Variants in AGBL1 observed in about 807,000 individuals in gnomAD.
AGBL1 encodes the protein AGBL carboxypeptidase 1, also known as cytosolic carboxypeptidase 4.
A neutral mutation model predicts 118.9 loss-of-function variants in AGBL1; 130 were observed. The observed-to-expected ratio is 1.09, with a 90% CI of 0.95 to 1.26. The LOEUF is 1.26. AGBL1 is among the 50% of genes most tolerant of loss of function. AGBL1 has a pLI of 0.00. For synonymous variants in AGBL1, 555 were observed against 478.9 expected (o/e 1.16, Z -2.08); for missense variants, 1,584 against 1,298.1 (o/e 1.22, Z -3.38).
intron 5 of AGBL1, among the ~76,000 whole-genome samples, chr15:86,215,044 G>T (rs1182644060): frequency 1.3e-5 from 2 of 152,100 alleles, no homozygotes; most frequent in African/African-American, 4.8e-5. Context: ...ACAGGATCTG[G>T]TTCCATTTCT....
At position 86,715,207 on chromosome 15, in the gene AGBL1, G is replaced by T. The variant is rs79858168; in HGVS notation, c.3158+40771G>T. The stretch of plus-strand genomic sequence containing the variant: ...GCTAGGTCTGAAGTCAGAGAATGGG[G>T]GAAAATAATCTAAATCCTGCACAGT... On this transcript the variant is annotated intron_variant, in intron 22 of 22. Transcript: ENST00000614907. Among the ~76,000 whole-genome samples the T allele has an allele frequency of 4.6e-3, 695 of 152,256 alleles. 6 individuals are homozygous for T. Among genetic ancestry groups the T allele is most frequent in the African/African-American group, 0.016 (664 of 41,544 alleles).
intron 22 of AGBL1, among the ~76,000 whole-genome samples, chr15:86,807,858 T>G (rs2078739806): frequency 1.3e-5 from 2 of 152,182 alleles, no homozygotes; most frequent in Admixed American, 6.5e-5. Context: ...GAGAGATAAT[T>G]GAAGTAAAAC....
intron 22 of AGBL1, among the ~76,000 whole-genome samples, chr15:86,882,867 T>A (rs1482890894): frequency 6.6e-6 from 1 of 152,230 alleles, no homozygotes; most frequent in Non-Finnish European, 1.5e-5. Context: ...CTTTTCTTTT[T>A]AAAAACATAT....
intron 24 of AGBL1, among the ~76,000 whole-genome samples, chr15:87,022,419 A>T (rs1012986488): frequency 1.3e-5 from 2 of 152,150 alleles, no homozygotes; most frequent in Non-Finnish European, 1.5e-5. Context: ...AAAAAGAGTA[A>T]GAAAATATGA....
At chr15:86,594,808 CTATT>C (rs1313594206) in intron 21 of AGBL1, among the ~76,000 whole-genome samples, 7 of 152,154 alleles carry the variant, frequency 4.6e-5, no homozygotes, top group Non-Finnish European at 1.0e-4. Context: ...ACACACATGA[CTATT>C]TATCTGATTT....
chr15:86,287,656 G>A (rs2079475880), intron 16 of AGBL1, among the ~76,000 whole-genome samples: 1 of 152,140 alleles, frequency 6.6e-6, no homozygotes, highest in South Asian at 2.1e-4. Context: ...GACTATAGGT[G>A]TCTGAGTTTA....
At position 86,758,133 on chromosome 15, in the gene AGBL1, G is replaced by A. The variant is rs540495983; in HGVS notation, c.3158+83697G>A. Among the ~76,000 whole-genome samples, 47 of 152,104 alleles carry A rather than the reference G, an allele frequency of 3.1e-4. No homozygotes were observed. In the South Asian group the frequency reaches 6.4e-3, roughly 21 times the overall value. On this transcript the variant is annotated intron_variant, in intron 22 of 22. Transcript: ENST00000614907. ...GGTAAAATCTGGAAACTATACTATA[G>A]CATTCAAAGCCCACCATGTCCACTC...
chr15:86,233,924 G>A (rs1428014761), intron 6 of AGBL1, among the ~76,000 whole-genome samples: 6 of 152,118 alleles, frequency 3.9e-5, no homozygotes, highest in Admixed American at 1.3e-4. Flanking sequence ...TGGCCAGGGT[G>A]TTCCCAGGCA....
At chr15:86,660,411 A>G (rs986490197) in intron 21 of AGBL1, among the ~76,000 whole-genome samples, 7 of 152,182 alleles carry the variant, frequency 4.6e-5, no homozygotes, top group Admixed American at 2.0e-4. Context: ...TACTGTGTGC[A>G]TGTTTCAAAA....
At chr15:86,624,469 G>A (rs1276577744) in intron 21 of AGBL1, among the ~76,000 whole-genome samples, 1 of 152,194 alleles carries the variant, frequency 6.6e-6, no homozygotes, top group Non-Finnish European at 1.5e-5. Context: ...CTGTCCTCCA[G>A]AAGTGTTCAA....
At chr15:86,299,096 G>C (rs1429738280) in intron 17 of AGBL1, among the ~76,000 whole-genome samples, 1 of 152,144 alleles carries the variant, frequency 6.6e-6, no homozygotes, top group African/African-American at 2.4e-5. Flanking sequence ...TTTGCCAGCT[G>C]TGTACTTTAT....
At chr15:86,978,750 A>G (rs927504543) in intron 23 of AGBL1, among the ~76,000 whole-genome samples, 12 of 152,176 alleles carry the variant, frequency 7.9e-5, no homozygotes, top group Admixed American at 6.5e-5. Flanking sequence ...ACTGCAGTTC[A>G]TGTAAAAGAA....
At chr15:86,320,764 G>A (rs1567197609) in intron 17 of AGBL1, among the ~76,000 whole-genome samples, 1 of 151,418 alleles carries the variant, frequency 6.6e-6, no homozygotes, top group Non-Finnish European at 1.5e-5. Flanking sequence ...TGAGGTTAAG[G>A]ATGTGTCTTT....
intron 22 of AGBL1, among the ~76,000 whole-genome samples, chr15:86,778,773 A>G (rs1335274804): frequency 6.6e-6 from 1 of 152,132 alleles, no homozygotes. Context: ...CTGAGGCAAC[A>G]TACATCCTCC....
chr15:86,697,400 G>A (rs528743593), intron 22 of AGBL1, among the ~76,000 whole-genome samples: 4 of 151,584 alleles, frequency 2.6e-5, no homozygotes, highest in African/African-American at 9.7e-5. Context: ...AGACTTTCCT[G>A]TACATTTTGC....
At chr15:86,433,143 G>A (rs183256469) in intron 18 of AGBL1, among the ~76,000 whole-genome samples, 1 of 152,130 alleles carries the variant, frequency 6.6e-6, no homozygotes, top group African/African-American at 2.4e-5. Context: ...CTGAGAAGAA[G>A]CCACTTCCTG....
chr15:86,644,592 A>T (rs573867809), intron 21 of AGBL1, among the ~76,000 whole-genome samples: 1 of 151,262 alleles, frequency 6.6e-6, no homozygotes, highest in East Asian at 1.9e-4. Flanking sequence ...AGATTTGGTC[A>T]TGTGTTTTGT....
chr15:86,416,817 T>A (rs979653199), intron 18 of AGBL1, among the ~76,000 whole-genome samples: 1 of 152,192 alleles, frequency 6.6e-6, no homozygotes, highest in African/African-American at 2.4e-5. Flanking sequence ...AGTTTTTCAT[T>A]GTATGGAAAA....
At chr15:86,862,614 G>A (rs1341133178) in intron 22 of AGBL1, among the ~76,000 whole-genome samples, 2 of 152,122 alleles carry the variant, frequency 1.3e-5, no homozygotes, top group South Asian at 2.1e-4. Context: ...CCAGCTACTC[G>A]GAGGGCTGAC....
Sources: allele counts gnomAD v4.1 joint callset (sites outside exome capture counted in the v4.1 genomes callset), GRCh38; gene constraint gnomAD v4.1.1; transcripts MANE v1.5; gene names NCBI Gene and HGNC (gene_info 2026-07-23, HGNC 2026-07-21).